Variants in CFAP20DC observed in about 807,000 individuals in gnomAD.
The protein encoded by CFAP20DC is protein CFAP20DC.
A neutral mutation model predicts 101.7 loss-of-function variants in CFAP20DC; 84 were observed. That is an observed-to-expected ratio of 0.83 (90% confidence interval 0.69 to 0.99). CFAP20DC has a LOEUF of 0.99. CFAP20DC is among the 50% of genes least tolerant of loss of function. CFAP20DC has a pLI of 0.00. For missense variants in CFAP20DC, 1,007 were observed against 970.3 expected (o/e 1.04, Z -0.50); for synonymous variants, 359 against 351.2 (o/e 1.02, Z -0.25).
intron 14 of CFAP20DC, among the ~76,000 whole-genome samples, chr3:58,816,300 A>T (rs1385672933): frequency 6.6e-6 from 1 of 152,196 alleles, no homozygotes; most frequent in African/African-American, 2.4e-5. Context: ...AAGATGGCCG[A>T]ATAGGAACAG....
At chr3:59,037,199 A>T (rs2094119918) in intron 4 of CFAP20DC, among the ~76,000 whole-genome samples, 1 of 152,196 alleles carries the variant, frequency 6.6e-6, no homozygotes, top group Non-Finnish European at 1.5e-5. Context: ...CCTAGGCAAT[A>T]CCATTCAGGA....
chr3:58,863,903 G>A lies in CFAP20DC; in HGVS notation c.1259-11C>T. ...GAAAAATCCACTCATCTGACAGTTGGAAAAGATGACAAAAATTAGAGCAGT... is the reference window on the plus strand; with the variant it reads ...GAAAAATCCACTCATCTGACAGTTGAAAAAGATGACAAAAATTAGAGCAGT... On this transcript the variant is annotated splice_polypyrimidine_tract_variant and intron_variant, in intron 11 of 16. Coordinates refer to ENST00000482387, the MANE Select transcript of CFAP20DC (RefSeq NM_001394063.1). The surrounding 1 kb of genome is among the most constrained non-coding windows in gnomAD (Gnocchi z 5.9). 1 of 1,589,584 alleles carries A rather than the reference G, an allele frequency of 6.3e-7. No homozygotes were observed. Among genetic ancestry groups the A allele is most frequent in the South Asian group, 1.1e-5 (1 of 87,436 alleles).
chr3:58,822,637 G>A (rs2075762930), intron 14 of CFAP20DC, among the ~76,000 whole-genome samples: 1 of 150,650 alleles, frequency 6.6e-6, no homozygotes, highest in African/African-American at 2.4e-5. Context: ...TTTGCTCATA[G>A]TGATTTTTAA....
At chr3:59,029,958 CA>C (rs545709646) in intron 4 of CFAP20DC, among the ~76,000 whole-genome samples, 2 of 152,182 alleles carry the variant, frequency 1.3e-5, no homozygotes, top group African/African-American at 2.4e-5. Context: ...TGCTGGTTAT[CA>C]AGCCCCAACT....
At chr3:58,887,285 A>G (rs746111773) in intron 6 of CFAP20DC, 7 of 152,236 alleles carry the variant, frequency 4.6e-5, no homozygotes, top group Non-Finnish European at 8.8e-5. Flanking sequence ...CTAACTTCAG[A>G]TATATTTGAC....
chr3:58,969,061 G>T (rs2091779554), intron 4 of CFAP20DC, among the ~76,000 whole-genome samples: 1 of 152,070 alleles, frequency 6.6e-6, no homozygotes. Flanking sequence ...TCCTCCACTG[G>T]TCTGTGTGCC....
At chr3:58,770,557 G>A (rs2070752069) in intron 15 of CFAP20DC, among the ~76,000 whole-genome samples, 1 of 152,152 alleles carries the variant, frequency 6.6e-6, no homozygotes, top group Non-Finnish European at 1.5e-5. Flanking sequence ...ATGAGAATGA[G>A]GCAGCCAGAT....
intron 7 of CFAP20DC, among the ~76,000 whole-genome samples, chr3:58,872,234 G>A (rs2080287502): frequency 6.6e-6 from 1 of 152,082 alleles, no homozygotes; most frequent in Non-Finnish European, 1.5e-5. Context: ...CACCAGTCCT[G>A]GACATATATA....
intron 7 of CFAP20DC, among the ~76,000 whole-genome samples, chr3:58,880,823 A>C (rs2081177715): frequency 6.6e-6 from 1 of 152,138 alleles, no homozygotes; most frequent in African/African-American, 2.4e-5. Flanking sequence ...GAAAAAGGAT[A>C]TATGATTCAA....
At chr3:58,825,554 C>CACACACAT (rs1395016201) in intron 14 of CFAP20DC, among the ~76,000 whole-genome samples, 2 of 151,840 alleles carry the variant, frequency 1.3e-5, no homozygotes, top group Non-Finnish European at 2.9e-5. Context: ...CACACACACA[C>CACACACAT]ACAACATGGC....
At chr3:58,896,673 T>G (rs2082691896) in intron 6 of CFAP20DC, among the ~76,000 whole-genome samples, 1 of 152,220 alleles carries the variant, frequency 6.6e-6, no homozygotes, top group South Asian at 2.1e-4. Flanking sequence ...GTTGTTCAAT[T>G]TCCAAGTACT....
In CFAP20DC at chr3:58,964,496, A is replaced by AT. The variant is rs2091392126; in HGVS notation, c.279-26735dup. ...CCTGGTCCACTTAAATTCCTATCTT[A>AT]TCCCTTCCTTCCTCGAAGTGCTTGC... On this transcript the variant is annotated intron_variant, in intron 4 of 16. Transcript: ENST00000482387. This position sits in a 1 kb window ranked among gnomAD's most constrained non-coding sequence, Gnocchi z 4.1. 6.6e-6 allele frequency among the ~76,000 whole-genome samples: 1 copy of AT among 152,164 alleles called. No homozygotes were observed. Among genetic ancestry groups the AT allele is most frequent in the Non-Finnish European group, 1.5e-5 (1 of 68,030 alleles).
At chr3:58,997,894 G>C (rs1019803265) in intron 4 of CFAP20DC, among the ~76,000 whole-genome samples, 1 of 152,122 alleles carries the variant, frequency 6.6e-6, no homozygotes, top group Non-Finnish European at 1.5e-5. Context: ...GTATAGGGGG[G>C]TCCAGCAAAG....
At chr3:58,827,197 T>A (rs1210299010) in intron 14 of CFAP20DC, among the ~76,000 whole-genome samples, 3 of 152,106 alleles carry the variant, frequency 2.0e-5, no homozygotes, top group Non-Finnish European at 4.4e-5. Context: ...TCAATTTTGC[T>A]GTGAACCCAA....
Position 59,046,266 on chromosome 3 carries a change from T to C in CFAP20DC, c.168A>G (p.Thr56=), listed in dbSNP as rs1699853587. ...FVFVLEGSSQ[T]NKIQLPKENK... Reference sequence around the variant, plus strand: ...TCTCCTTTGGTAACTGAATTTTGTTTGTTTGGCTGCTGCCTTCCAGGACAA... The same window carrying C: ...TCTCCTTTGGTAACTGAATTTTGTTCGTTTGGCTGCTGCCTTCCAGGACAA... The change falls in exon 3 of 17, where the codon ACA becomes ACG. Residue 56 remains threonine, a synonymous_variant. Transcript: ENST00000482387. 6.5e-7 allele frequency: 1 copy of C among 1,532,836 alleles called. No individual in the cohort carries two copies. Among genetic ancestry groups the C allele is most frequent in the African/African-American group, 1.4e-5 (1 of 72,844 alleles). The allele number at this position is 1,532,836 out of a possible 1,614,324, so 95.0% of individuals were successfully genotyped here.
intron 14 of CFAP20DC, among the ~76,000 whole-genome samples, chr3:58,816,605 C>A (rs993220267): frequency 2.7e-5 from 4 of 150,544 alleles, no homozygotes; most frequent in African/African-American, 7.5e-5. Flanking sequence ...CGGTGAACCA[C>A]GAGATTATAT....
chr3:59,043,447 C>G (rs1023716242), intron 3 of CFAP20DC, among the ~76,000 whole-genome samples: 1 of 151,836 alleles, frequency 6.6e-6, no homozygotes. Context: ...AAAATAGAGG[C>G]AGATCAAAGC....
chr3:58,823,822 A>G (rs1349188974), intron 14 of CFAP20DC, among the ~76,000 whole-genome samples: 2 of 152,198 alleles, frequency 1.3e-5, no homozygotes, highest in Non-Finnish European at 2.9e-5. Flanking sequence ...ATATATGACT[A>G]TCTCCTTACC....
intron 3 of CFAP20DC, among the ~76,000 whole-genome samples, chr3:58,733,184 T>A (rs1012273653): frequency 6.6e-6 from 1 of 151,836 alleles, no homozygotes. Context: ...ATACAAAAAA[T>A]AGCTGGGCGT....
Sources: allele counts gnomAD v4.1 joint callset (sites outside exome capture counted in the v4.1 genomes callset), GRCh38; gene constraint gnomAD v4.1.1; non-coding constraint Gnocchi (gnomAD v3.1); transcripts MANE v1.5; gene names NCBI Gene and HGNC (gene_info 2026-07-23, HGNC 2026-07-21).